The following KIF17 variants were observed in gnomAD, a reference collection of about 807,000 sequenced individuals.
The protein encoded by KIF17 is kinesin family member 17, also known as kinesin-like protein KIF17.
Under a neutral mutation model 96.8 loss-of-function variants are expected in KIF17, and 80 were observed. The observed-to-expected ratio is 0.83, with a 90% confidence interval of 0.69 to 1.00. The LOEUF is 1.00. Among genes scored for constraint, KIF17 ranks in the 50% least tolerant of loss-of-function variants. The probability of loss-of-function intolerance (pLI) is 0.00; values close to 1 mark genes in which losing one functional copy is unlikely to be tolerated. For missense variants in KIF17, 1,280 were observed against 1,372.9 expected (o/e 0.93, Z 1.07); for synonymous variants, 567 against 587.5 (o/e 0.97, Z 0.51).
chr1:20,709,492 C>A lies in KIF17; in HGVS notation c.670+147G>T. 1 of 840,416 alleles carries A rather than the reference C, an allele frequency of 1.2e-6. No homozygotes were observed. The highest frequency in any genetic ancestry group is 2.0e-6 in the Non-Finnish European group (1 of 500,702). The allele number at this position is 840,416 out of a possible 1,614,324, so 52.1% of individuals were successfully genotyped here. A position where few individuals can be genotyped will look rare whatever the true frequency, so the allele number is the denominator to read the frequency against. On this transcript the variant is annotated intron_variant, in intron 4 of 14. Coordinates refer to ENST00000400463, the MANE Select transcript of KIF17 (RefSeq NM_001122819.3). The surrounding 1 kb of genome is among the most constrained non-coding windows in gnomAD (Gnocchi z 4.7). Reference sequence around the variant, plus strand: ...CCTGGGAACACGGGTCCCAGCATCCCAAGGGTCCTCTTGGGTTTCCTCCAG... The same window carrying A: ...CCTGGGAACACGGGTCCCAGCATCCAAAGGGTCCTCTTGGGTTTCCTCCAG...
At chr1:20,701,711 G>C (rs2054239760) in intron 5 of KIF17, among the ~76,000 whole-genome samples, 1 of 152,136 alleles carries the variant, frequency 6.6e-6, no homozygotes, top group Non-Finnish European at 1.5e-5. Context: ...GAAGGGAGGG[G>C]ATCTGCTGAG....
chr1:20,666,819 C>T (rs2053537969), intron 13 of KIF17, among the ~76,000 whole-genome samples: 1 of 152,178 alleles, frequency 6.6e-6, no homozygotes, highest in Non-Finnish European at 1.5e-5. Context: ...TTGTTTTCTT[C>T]AATCTAAATC....
intron 1 of KIF17, 21 bp from the exon 2 acceptor site, chr1:20,715,660 ACC>A: frequency 1.2e-6 from 2 of 1,613,578 alleles, no homozygotes; most frequent in Non-Finnish European, 1.7e-6. Flanking sequence ...GGAAGGCAGG[ACC>A]CCGTGCTCAG....
chr1:20,707,207 G>A (rs1204173215), intron 4 of KIF17, among the ~76,000 whole-genome samples: 1 of 152,184 alleles, frequency 6.6e-6, no homozygotes, highest in African/African-American at 2.4e-5. Context: ...CCATTGCAGG[G>A]AACCGAGTCT....
chr1:20,665,958 A>G (rs1243932472), intron 14 of KIF17, among the ~76,000 whole-genome samples: 1 of 152,182 alleles, frequency 6.6e-6, no homozygotes, highest in Non-Finnish European at 1.5e-5. Flanking sequence ...AGTGCCTACT[A>G]GGGGCCAGGG....
At chr1:20,701,249 G>A (rs2154536984) in intron 5 of KIF17, among the ~76,000 whole-genome samples, 1 of 152,260 alleles carries the variant, frequency 6.6e-6, no homozygotes, top group African/African-American at 2.4e-5. Context: ...GGCTAACACG[G>A]TAAAACCCCA....
intron 11 of KIF17, among the ~76,000 whole-genome samples, chr1:20,673,416 G>A (rs186198929): frequency 2.0e-5 from 3 of 152,060 alleles, no homozygotes; most frequent in East Asian, 3.9e-4. Context: ...AAATAGATAC[G>A]AGGCTCACTT....
At chr1:20,703,646 G>A (rs1238025106) in intron 5 of KIF17, among the ~76,000 whole-genome samples, 1 of 152,074 alleles carries the variant, frequency 6.6e-6, no homozygotes, top group African/African-American at 2.4e-5. Context: ...ATGGGTAAGT[G>A]GGAGGATGGA....
rs1040575820 is a variant in KIF17, at chr1:20,685,011, G to A, written c.2029C>T (p.Leu677=). Residue 677 remains leucine (L), a synonymous_variant, in exon 10 of 15, where the codon CTG becomes TTG. Coordinates refer to ENST00000400463, the MANE Select transcript of KIF17 (RefSeq NM_001122819.3). This position sits in a 1 kb window ranked among gnomAD's most constrained non-coding sequence, Gnocchi z 4.1. The part of the protein sequence containing the change: ...DDFPPRPEVD[L]ASEVALEVVR... ...ACCTCTAAGGCCACTTCCGAGGCCA[G>A]ATCTACCTCCTGAGTGTGAAGAGAA... 19 of 1,594,680 alleles carry A rather than the reference G, an allele frequency of 1.2e-5. No individual in the cohort carries two copies. Among genetic ancestry groups the A allele is most frequent in the Admixed American group, 5.3e-5 (3 of 57,132 alleles).
At chr1:20,665,865 C>G (rs543343272) in intron 14 of KIF17, among the ~76,000 whole-genome samples, 1 of 152,298 alleles carries the variant, frequency 6.6e-6, no homozygotes, top group Admixed American at 6.5e-5. Context: ...ACAATGCTGG[C>G]GTGTGACTCG....
intron 6 of KIF17, among the ~76,000 whole-genome samples, chr1:20,697,191 G>A (rs1284581568): frequency 6.6e-6 from 1 of 152,224 alleles, no homozygotes; most frequent in Non-Finnish European, 1.5e-5. Context: ...GCCTGAGGAC[G>A]GACCCCAGTG....
chr1:20,698,492 G>A lies in KIF17; in HGVS notation c.1124-4C>T. On this transcript the variant is annotated splice_region_variant and splice_polypyrimidine_tract_variant and intron_variant, in intron 5 of 14. Coordinates refer to ENST00000400463, the MANE Select transcript of KIF17 (RefSeq NM_001122819.3). ...GGCACCTGCCTGGACAGCAGGGCTGGGGGAGAAACAGAAATTAGCAGCCAG... is the reference window on the plus strand; with the variant it reads ...GGCACCTGCCTGGACAGCAGGGCTGAGGGAGAAACAGAAATTAGCAGCCAG... The A allele has an allele frequency of 1.2e-6, 2 of 1,606,408 alleles. No individual in the cohort carries two copies. Among genetic ancestry groups the A allele is most frequent in the Non-Finnish European group, 8.5e-7 (1 of 1,174,700 alleles).
chr1:20,704,527 G>C lies in KIF17; in HGVS notation c.1043C>G (p.Ala348Gly), dbSNP rs150946378. 6 of 1,614,072 alleles carry C rather than the reference G, an allele frequency of 3.7e-6. No individual in the cohort carries two copies. Among genetic ancestry groups the C allele is most frequent in the African/African-American group, 2.7e-5 (2 of 74,920 alleles). ...KPRINEDPKD[A>G]LLREYQEEIK... ...CTCCTCCTGGTACTCGCGAAGCAGC[G>C]CATCCTTGGGGTCCTCATTGATGCG... Residue 348 changes from alanine (A) to glycine (G), a missense_variant, in exon 5 of 15, where the codon GCG becomes GGG. Physicochemically the swap from Ala to Gly is moderately conservative, Grantham distance 60. Transcript: ENST00000400463. The surrounding 1 kb of genome is among the most constrained non-coding windows in gnomAD (Gnocchi z 6.8).
chr1:20,679,001 C>CAAAA (rs34906395), intron 11 of KIF17, among the ~76,000 whole-genome samples: 1 of 86,654 alleles, frequency 1.2e-5, no homozygotes. Context: ...TCTTCCTTGG[C>CAAAA]AAAAAAAAAA....
intron 1 of KIF17, among the ~76,000 whole-genome samples, chr1:20,717,123 G>A (rs1557610004): frequency 6.6e-6 from 1 of 152,318 alleles, no homozygotes; most frequent in Non-Finnish European, 1.5e-5. Context: ...GAGGTCAGGA[G>A]TTCGAGACCA....
At position 20,698,479 on chromosome 1, in the gene KIF17, G is replaced by T; in HGVS notation, c.1133C>A (p.Ser378Tyr). The T allele has an allele frequency of 6.2e-7, 1 of 1,612,216 alleles. No individual in the cohort carries two copies. ...MSPSSLSALL[S>Y]RQVPPDPVQV... ...CACAGGGTCTGGGGGCACCTGCCTG[G>T]ACAGCAGGGCTGGGGGAGAAACAGA... The change falls in exon 6 of 15, where the codon TCC (serine) becomes TAC (tyrosine). Residue 378 changes from serine to tyrosine, a missense_variant. Ser to Tyr is a moderately radical substitution (Grantham distance 144). Coordinates refer to ENST00000400463, the MANE Select transcript of KIF17 (RefSeq NM_001122819.3).
At chr1:20,667,870 C>T (rs1271016123) in intron 13 of KIF17, among the ~76,000 whole-genome samples, 11 of 151,982 alleles carry the variant, frequency 7.2e-5, no homozygotes. Flanking sequence ...ATTAGCTGGA[C>T]GTCGTGGTGC....
rs1483609287 is a variant in KIF17 at position 20,672,391 on chromosome 1, T to G, written c.2464-195A>C. Among the ~76,000 whole-genome samples the G allele has an allele frequency of 2.0e-5, 3 of 152,082 alleles. No homozygotes were observed. The highest frequency in any genetic ancestry group is 4.8e-5 in the African/African-American group (2 of 41,406). ...TCCATCCACCTCCTCTCACACCCAC[T>G]GATCCTTCCGTCTATCCAATCACCC... On this transcript the variant is annotated intron_variant, in intron 11 of 14. Coordinates refer to ENST00000400463, the MANE Select transcript of KIF17 (RefSeq NM_001122819.3). This position sits in a 1 kb window ranked among gnomAD's most constrained non-coding sequence, Gnocchi z 4.3.
rs56328782 is a variant in KIF17, at chr1:20,687,295, T to C, written c.1938+93A>G. ...GCCACGGCCTGAGTGTCGGAGGCCATGTGTGTGAACAGTGTGTGCACAGTG... is the reference window on the plus strand; with the variant it reads ...GCCACGGCCTGAGTGTCGGAGGCCACGTGTGTGAACAGTGTGTGCACAGTG... On this transcript the variant is annotated intron_variant, in intron 8 of 14. Transcript: ENST00000400463. This position sits in a 1 kb window ranked among gnomAD's most constrained non-coding sequence, Gnocchi z 4.4. The C allele has an allele frequency of 0.039, 53,881 of 1,382,886 alleles. 3,082 individuals are homozygous for C. Among genetic ancestry groups the C allele is most frequent in the African/African-American group, 0.25 (17,889 of 70,796 alleles). 85.7% of individuals were successfully genotyped at this position (1,382,886 alleles called of 1,614,324 possible). A position where few individuals can be genotyped will look rare whatever the true frequency, so the allele number is the denominator to read the frequency against.
Sources: gnomAD v4.1 joint callset for allele counts (sites outside exome capture counted in the v4.1 genomes callset) on GRCh38, gnomAD v4.1.1 for gene constraint, Gnocchi (gnomAD v3.1) non-coding constraint, MANE v1.5 for transcripts, NCBI Gene and HGNC (gene_info 2026-07-23, HGNC 2026-07-21) for gene names.